The following TNIK variants were observed in gnomAD, a reference collection of about 807,000 sequenced individuals.
The protein encoded by TNIK is TRAF2 and NCK-interacting protein kinase.
A neutral mutation model predicts 191.3 loss-of-function variants in TNIK; 49 were observed. The observed-to-expected ratio is 0.26, with a 90% CI of 0.20 to 0.32. The LOEUF is 0.32. TNIK is among the 10% of genes least tolerant of loss of function. The probability of loss-of-function intolerance (pLI) is 1.00; values close to 1 mark genes in which losing one functional copy is unlikely to be tolerated. For missense variants in TNIK, 1,155 were observed against 1,702.3 expected (o/e 0.68, Z 5.66); for synonymous variants, 594 against 600.9 (o/e 0.99, Z 0.17).
intron 10 of TNIK, among the ~76,000 whole-genome samples, chr3:171,161,557 T>C (rs1051244212): frequency 8.5e-5 from 13 of 152,222 alleles, no homozygotes; most frequent in African/African-American, 2.7e-4. Context: ...CCCCAGTGCC[T>C]AGTGTTCACA....
In TNIK at chr3:171,148,969, GAGA is replaced by G. The variant is rs543585203; in HGVS notation, c.1222-8463_1222-8461del. Among the ~76,000 whole-genome samples the G allele has an allele frequency of 3.3e-3, 498 of 152,308 alleles. 2 individuals carry two copies. Among genetic ancestry groups the G allele is most frequent in the African/African-American group, 0.011 (475 of 41,566 alleles). Reference sequence around the variant, plus strand: ...ATTGCAAAAGGAATTCTTGCTTTGAGAGAAGAATTGGCTGAGATCACTTTTGAG... The same window carrying G: ...ATTGCAAAAGGAATTCTTGCTTTGAGAGAATTGGCTGAGATCACTTTTGAG... On this transcript the variant is annotated intron_variant, in intron 12 of 32. Coordinates refer to ENST00000436636, the MANE Select transcript of TNIK (RefSeq NM_015028.4).
intron 12 of TNIK, among the ~76,000 whole-genome samples, chr3:171,156,970 A>G (rs777814970): frequency 2.2e-4 from 34 of 152,162 alleles, no homozygotes; most frequent in Non-Finnish European, 4.0e-4. Context: ...TACTCATTCC[A>G]CAGATATTTA....
At chr3:171,133,596 A>C (rs1034955739) in intron 15 of TNIK, among the ~76,000 whole-genome samples, 2 of 152,234 alleles carry the variant, frequency 1.3e-5, no homozygotes, top group African/African-American at 4.8e-5. Context: ...GCCCTAGGTC[A>C]GGCAGGCAGG....
intron 1 of TNIK, among the ~76,000 whole-genome samples, chr3:171,441,491 C>A (rs929206640): frequency 2.0e-5 from 3 of 152,214 alleles, no homozygotes; most frequent in Admixed American, 6.5e-5. Context: ...GTACTTCCTT[C>A]ATTTTTATTG....
chr3:171,063,853 A>G lies in TNIK; in HGVS notation c.*28T>C, dbSNP rs375606742. On this transcript the variant is annotated 3_prime_UTR_variant, in exon 33 of 33. Coordinates refer to ENST00000436636, the MANE Select transcript of TNIK (RefSeq NM_015028.4). ...GTTCTTTTAAATTAGAAATAACGCC[A>G]TGAAGATAAGTGCCAAGTGCTCTTC... is the stretch of plus-strand genomic sequence containing the variant. 1 of 1,607,134 alleles carries G rather than the reference A, an allele frequency of 6.2e-7. No homozygotes were observed. Among genetic ancestry groups the G allele is most frequent in the Non-Finnish European group, 8.5e-7 (1 of 1,176,002 alleles).
chr3:171,403,568 C>A (rs1405169052), intron 1 of TNIK, among the ~76,000 whole-genome samples: 3 of 138,104 alleles, frequency 2.2e-5, no homozygotes, highest in Non-Finnish European at 4.5e-5. Context: ...GAGCCGGGAT[C>A]GTGCCACTGC....
intron 4 of TNIK, among the ~76,000 whole-genome samples, chr3:171,204,740 A>C (rs1739853258): frequency 6.6e-6 from 1 of 152,212 alleles, no homozygotes; most frequent in African/African-American, 2.4e-5. Flanking sequence ...ATTAAAGGTG[A>C]AGTTAAACTA....
chr3:171,453,125 T>C (rs957061356), intron 1 of TNIK, among the ~76,000 whole-genome samples: 2 of 152,228 alleles, frequency 1.3e-5, no homozygotes, highest in African/African-American at 2.4e-5. Flanking sequence ...TTGCACAGTA[T>C]ATATTTTGTT....
At chr3:171,323,689 TATC>T (rs137908825) in intron 2 of TNIK, among the ~76,000 whole-genome samples, 2,415 of 152,270 alleles carry the variant, frequency 0.016, 55 homozygotes, top group African/African-American at 0.056. Context: ...GTAATTTCAG[TATC>T]ATCAGATTGA....
At chr3:171,138,742 A>G (rs903414944) in intron 14 of TNIK, among the ~76,000 whole-genome samples, 1 of 152,138 alleles carries the variant, frequency 6.6e-6, no homozygotes. Context: ...CCACTTCCTG[A>G]TCTAGTAATT....
At chr3:171,402,209 T>C (rs1432730181) in intron 1 of TNIK, among the ~76,000 whole-genome samples, 2 of 152,236 alleles carry the variant, frequency 1.3e-5, no homozygotes, top group African/African-American at 4.8e-5. Context: ...AATAATGCTC[T>C]CTTTAGAAAG....
Position 171,093,929 on chromosome 3 carries a change from C to T in TNIK, c.2631G>A (p.Val877=). ...GAPGSNEQYN[V]GMVGTHGLET... ...CCAGCCCATGCGTCCCCACCATTCC[C>T]ACATTGTACTGCTCGTTGCTGCCTG... The change falls in exon 23 of 33, where the codon GTG becomes GTA. Residue 877 remains valine (V), a synonymous_variant. Transcript: ENST00000436636. The T allele has an allele frequency of 6.2e-7, 1 of 1,613,890 alleles. No individual in the cohort carries two copies. The highest frequency in any genetic ancestry group is 2.2e-5 in the East Asian group (1 of 44,868).
At chr3:171,098,055 G>A (rs1205466885) in intron 22 of TNIK, among the ~76,000 whole-genome samples, 1 of 152,216 alleles carries the variant, frequency 6.6e-6, no homozygotes, top group East Asian at 1.9e-4. Context: ...CCTACAGGAG[G>A]GAACGCATGA....
At chr3:171,110,611 G>A in intron 19 of TNIK, 103 bp downstream of exon 19, 1 of 1,410,588 alleles carries the variant, frequency 7.1e-7, no homozygotes, top group Non-Finnish European at 9.5e-7. Flanking sequence ...TCACACAGTG[G>A]TGGCCATGCC....
In TNIK at chr3:171,427,995, C is replaced by T. The variant is rs142110228; in HGVS notation, c.57+32012G>A. On this transcript the variant is annotated intron_variant, in intron 1 of 32. Transcript: ENST00000436636. ...GAATGAGGAGGGTGTGTGTTTGGTG[C>T]TGGGGGCTGGGGGAGCAGGTCAGGT... Among the ~76,000 whole-genome samples, 20 of 152,190 alleles carry T rather than the reference C, an allele frequency of 1.3e-4. No individual in the cohort carries two copies. In the East Asian group the frequency reaches 3.3e-3, roughly 25 times the overall value.
intron 2 of TNIK, among the ~76,000 whole-genome samples, chr3:171,312,180 C>T (rs1754112866): frequency 9.0e-6 from 1 of 110,972 alleles, no homozygotes. Flanking sequence ...AATATGTCCA[C>T]AAATGAATAT....
In TNIK at chr3:171,357,671, C is replaced by T. The variant is rs761347444; in HGVS notation, c.123+11949G>A. On this transcript the variant is annotated intron_variant, in intron 2 of 32. Transcript: ENST00000436636. Reference sequence around the variant, plus strand: ...TAGGAGACAGCCAGACAGAGGATTACAAACAGGTCAGAGTACGGAGAGAAG... The same window carrying T: ...TAGGAGACAGCCAGACAGAGGATTATAAACAGGTCAGAGTACGGAGAGAAG... Among the ~76,000 whole-genome samples, 13 of 151,074 alleles carry T rather than the reference C, an allele frequency of 8.6e-5. No homozygotes were observed. In the South Asian group the frequency reaches 1.2e-3, roughly 15 times the overall value.
chr3:171,328,452 T>C (rs73046808), intron 2 of TNIK, among the ~76,000 whole-genome samples: 2,370 of 152,316 alleles, frequency 0.016, 49 homozygotes, highest in African/African-American at 0.054. Context: ...AGTTTGCCCC[T>C]ATCCAGAGAC....
At chr3:171,099,375 ATT>A (rs35357404) in intron 22 of TNIK, among the ~76,000 whole-genome samples, 35 of 145,712 alleles carry the variant, frequency 2.4e-4, no homozygotes, top group Non-Finnish European at 3.3e-4. Flanking sequence ...TTACCTCAGG[ATT>A]TTTTTTTTTT....
Sources: allele counts gnomAD v4.1 joint callset (sites outside exome capture counted in the v4.1 genomes callset), GRCh38; gene constraint gnomAD v4.1.1; transcripts MANE v1.5; gene names NCBI Gene and HGNC (gene_info 2026-07-23, HGNC 2026-07-21).